The following RNF144A variants were observed in gnomAD, a reference collection of about 807,000 sequenced individuals.
The protein encoded by RNF144A is E3 ubiquitin-protein ligase RNF144A.
A neutral mutation model predicts 38.7 loss-of-function variants in RNF144A; 11 were observed. That is an observed-to-expected ratio of 0.28 (90% confidence interval 0.18 to 0.47). RNF144A has a LOEUF of 0.47. Ranked by LOEUF, RNF144A falls within the 20% of genes least tolerant of loss-of-function variation. The probability of loss-of-function intolerance (pLI) is 0.99; values close to 1 mark genes in which losing one functional copy is unlikely to be tolerated. For synonymous variants in RNF144A, 149 were observed against 143.9 expected, an observed-to-expected ratio of 1.04 and a Z score of -0.25; for missense variants, 316 against 377.2, an observed-to-expected ratio of 0.84 and a Z score of 1.34.
intron 6 of RNF144A, among the ~76,000 whole-genome samples, chr2:7,063,469 C>G (rs1189642100): frequency 6.6e-6 from 1 of 152,006 alleles, no homozygotes; most frequent in Non-Finnish European, 1.5e-5. Context: ...GTCCAAAGAT[C>G]AGGTAAATAT....
At chr2:7,017,790 A>G (rs1671236708) in intron 5 of RNF144A, among the ~76,000 whole-genome samples, 1 of 152,192 alleles carries the variant, frequency 6.6e-6, no homozygotes, top group South Asian at 2.1e-4. Context: ...TCTACGCCTC[A>G]GCCTGGGGCC....
intron 6 of RNF144A, chr2:7,068,106 C>A: frequency 1.9e-6 from 1 of 522,646 alleles, no homozygotes; most frequent in South Asian, 1.7e-5. Context: ...TTCCCTGTTG[C>A]AAAATCCCTT....
chr2:7,033,224 C>T (rs371400369), intron 8 of RNF144A, among the ~76,000 whole-genome samples: 40 of 152,380 alleles, frequency 2.6e-4, no homozygotes, highest in Middle Eastern at 3.4e-3. Context: ...GAACAGGGCT[C>T]AGCCAAGCCA....
chr2:6,923,902 C>T (rs1226973542), intron 1 of RNF144A, among the ~76,000 whole-genome samples: 4 of 152,018 alleles, frequency 2.6e-5, no homozygotes, highest in African/African-American at 9.7e-5. Flanking sequence ...AATCTCTGCA[C>T]AGGTAGGAAC....
chr2:7,028,673 A>C (rs921634025), intron 7 of RNF144A, among the ~76,000 whole-genome samples: 1 of 152,250 alleles, frequency 6.6e-6, no homozygotes, highest in Non-Finnish European at 1.5e-5. Flanking sequence ...AGTGGTGTGT[A>C]AATTAATGTC....
intron 1 of RNF144A, among the ~76,000 whole-genome samples, chr2:6,936,979 C>T (rs1665631428): frequency 6.6e-6 from 1 of 151,984 alleles, no homozygotes; most frequent in Non-Finnish European, 1.5e-5. Context: ...TATGTGCTGT[C>T]TGAGCACATG....
At chr2:6,992,635 T>C (rs1669468284) in intron 2 of RNF144A, among the ~76,000 whole-genome samples, 1 of 152,210 alleles carries the variant, frequency 6.6e-6, no homozygotes, top group Non-Finnish European at 1.5e-5. Flanking sequence ...GGCAGCTGCC[T>C]ACCTTTCCAA....
chr2:6,926,939 G>GC (rs1664913272), intron 1 of RNF144A, among the ~76,000 whole-genome samples: 1 of 152,138 alleles, frequency 6.6e-6, no homozygotes, highest in Non-Finnish European at 1.5e-5. Context: ...GGGGCAGAGC[G>GC]GGGGTGCCCT....
At chr2:6,938,657 T>C (rs980739395) in intron 1 of RNF144A, among the ~76,000 whole-genome samples, 1 of 152,248 alleles carries the variant, frequency 6.6e-6, no homozygotes, top group Non-Finnish European at 1.5e-5. Context: ...CAGAATTTTG[T>C]AACCAACATC....
intron 1 of RNF144A, 116 bp from the exon 2 acceptor site, chr2:6,940,832 A>G (rs1260430707): frequency 6.6e-6 from 1 of 152,066 alleles, no homozygotes; most frequent in Admixed American, 6.6e-5. Context: ...CAACTGTCTG[A>G]CTGGATAAGA....
intron 2 of RNF144A, among the ~76,000 whole-genome samples, chr2:6,989,662 C>T (rs963834854): frequency 2.0e-5 from 3 of 151,954 alleles, no homozygotes; most frequent in South Asian, 4.2e-4. Flanking sequence ...GGTTTTGATA[C>T]GTGCAGAATG....
intron 8 of RNF144A, among the ~76,000 whole-genome samples, chr2:7,036,669 T>C (rs1672701071): frequency 6.6e-6 from 1 of 152,252 alleles, no homozygotes; most frequent in Admixed American, 6.5e-5. Flanking sequence ...GACTGGATTA[T>C]AATCCAGGGA....
At chr2:7,002,501 G>A (rs896992498) in intron 3 of RNF144A, among the ~76,000 whole-genome samples, 5 of 152,132 alleles carry the variant, frequency 3.3e-5, no homozygotes, top group Non-Finnish European at 5.9e-5. Flanking sequence ...AAGCATGAAC[G>A]GATAGAGCCA....
intron 2 of RNF144A, among the ~76,000 whole-genome samples, chr2:6,964,731 A>C (rs1418126005): frequency 6.6e-6 from 1 of 152,042 alleles, no homozygotes; most frequent in African/African-American, 2.4e-5. Flanking sequence ...CAAAAAACCA[A>C]ACACCACATA....
chr2:7,025,449 A>G (rs1332794790), intron 7 of RNF144A, among the ~76,000 whole-genome samples: 2 of 152,210 alleles, frequency 1.3e-5, no homozygotes, highest in Admixed American at 6.5e-5. Context: ...CGAGGTGGTC[A>G]GATTACCTGC....
Position 6,943,202 on chromosome 2 carries a change from A to G in RNF144A, c.-12+2055A>G, listed in dbSNP as rs1666128777. Among the ~76,000 whole-genome samples the G allele has an allele frequency of 1.3e-5, 2 of 152,226 alleles. No individual in the cohort carries two copies. Among genetic ancestry groups the G allele is most frequent in the African/African-American group, 4.8e-5 (2 of 41,460 alleles). ...CCCAGTGAAAGAAGAGAGGAGTTGT[A>G]AGGACTGGGCCCTGGGGCATTCTAG... On this transcript the variant is annotated intron_variant, in intron 2 of 8. Coordinates refer to ENST00000320892, the MANE Select transcript of RNF144A (RefSeq NM_014746.6). The surrounding 1 kb of genome is among the most constrained non-coding windows in gnomAD (Gnocchi z 4.3).
At chr2:7,013,198 A>C (rs2460401) in intron 3 of RNF144A, among the ~76,000 whole-genome samples, 126,615 of 152,126 alleles carry the variant, frequency 0.83, 52,925 homozygotes, top group South Asian at 0.92. Context: ...ATACTTTTTC[A>C]CTTGCCTAAT....
At chr2:6,998,384 T>C (rs567360742) in intron 3 of RNF144A, among the ~76,000 whole-genome samples, 8 of 152,224 alleles carry the variant, frequency 5.3e-5, no homozygotes, top group Non-Finnish European at 1.2e-4. Context: ...GCACAGCAAA[T>C]ATTTTATCTT....
the RNF144A span, among the ~76,000 whole-genome samples, chr2:7,073,952 C>G: frequency 6.6e-6 from 1 of 152,224 alleles, no homozygotes; most frequent in African/African-American, 2.4e-5. Flanking sequence ...TCCTTTAACT[C>G]TCACAGAGCA....
Sources: gnomAD v4.1 joint callset for allele counts (sites outside exome capture counted in the v4.1 genomes callset) on GRCh38, gnomAD v4.1.1 for gene constraint, Gnocchi (gnomAD v3.1) non-coding constraint, MANE v1.5 for transcripts, NCBI Gene and HGNC (gene_info 2026-07-23, HGNC 2026-07-21) for gene names.